ROBO2: variants seen among roughly 807,000 people sequenced by gnomAD.
The protein encoded by ROBO2 is roundabout guidance receptor 2, also known as roundabout homolog 2.
Under a neutral mutation model 160.8 loss-of-function variants are expected in ROBO2, and 53 were observed. The observed-to-expected ratio is 0.33, with a 90% CI of 0.26 to 0.41. The LOEUF is 0.41. Among genes scored for constraint, ROBO2 ranks in the 10% least tolerant of loss-of-function variants. ROBO2 has a pLI of 1.00. For missense variants in ROBO2, 1,577 were observed against 1,722.4 expected, an observed-to-expected ratio of 0.92 and a Z score of 1.49; for synonymous variants, 664 against 611.7, an observed-to-expected ratio of 1.09 and a Z score of -1.26.
At chr3:77,475,068 T>TGAGAGA (rs71104689) in intron 2 of ROBO2, among the ~76,000 whole-genome samples, 51,833 of 150,396 alleles carry the variant, frequency 0.34, 9,003 homozygotes, top group East Asian at 0.43. Context: ...GTTTTTCAAC[T>TGAGAGA]GAGAGAGAGA....
chr3:76,043,459 T>C (rs1346430290), intron 2 of ROBO2, among the ~76,000 whole-genome samples: 3 of 150,914 alleles, frequency 2.0e-5, no homozygotes, highest in Admixed American at 2.0e-4. Context: ...AGTAACAAGA[T>C]TACTGAATTT....
chr3:77,288,731 G>C (rs1049038342), intron 2 of ROBO2, among the ~76,000 whole-genome samples: 2 of 152,026 alleles, frequency 1.3e-5, no homozygotes, highest in African/African-American at 2.4e-5. Context: ...TACAATTAGA[G>C]GATTGCATTC....
At chr3:76,406,139 A>G (rs58796005) in intron 2 of ROBO2, among the ~76,000 whole-genome samples, 11,016 of 151,780 alleles carry the variant, frequency 0.073, 917 homozygotes, top group East Asian at 0.41. Flanking sequence ...ATTTTACATC[A>G]AAACACTTAG....
chr3:77,237,832 G>A (rs2088307791), intron 2 of ROBO2, among the ~76,000 whole-genome samples: 1 of 152,074 alleles, frequency 6.6e-6, no homozygotes, highest in Admixed American at 6.6e-5. Flanking sequence ...TTTCCAAGTG[G>A]CTGTACCATT....
chr3:77,632,714 T>A (rs1451617), intron 23 of ROBO2: 987,297 of 1,408,670 alleles, frequency 0.7, 347,381 homozygotes, highest in East Asian at 0.83. Flanking sequence ...TTGGACACTG[T>A]CCTCTTTTCT....
chr3:76,649,711 G>A (rs1237480385), intron 2 of ROBO2, among the ~76,000 whole-genome samples: 3 of 152,154 alleles, frequency 2.0e-5, no homozygotes, highest in Non-Finnish European at 2.9e-5. Context: ...TTGAATCAAT[G>A]AACTATGCTT....
In ROBO2 at chr3:77,361,311, T is replaced by C. The variant is rs535155828; in HGVS notation, c.389-116103T>C. 9.8e-5 allele frequency among the ~76,000 whole-genome samples: 15 copies of C among 152,326 alleles called. No individual in the cohort carries two copies. The South Asian group carries it at 3.1e-3, about 32-fold the overall frequency. On this transcript the variant is annotated intron_variant, in intron 2 of 25. Coordinates refer to ENST00000461745, the Ensembl canonical transcript of ROBO2. ...AAGTACCTATACAAAAAAGTATTTG[T>C]TATTCATCTGAAATCCAAATTTCAC...
At chr3:76,477,069 A>T (rs760738150) in intron 2 of ROBO2, among the ~76,000 whole-genome samples, 1 of 152,140 alleles carries the variant, frequency 6.6e-6, no homozygotes, top group Admixed American at 6.6e-5. Flanking sequence ...GTAAAATGCA[A>T]ATGATCCTGT....
chr3:77,180,124 CACTT>C (rs2080573544), intron 2 of ROBO2, among the ~76,000 whole-genome samples: 1 of 151,960 alleles, frequency 6.6e-6, no homozygotes, highest in Admixed American at 6.6e-5. Context: ...TGAGATCTAA[CACTT>C]ACATTTAATC....
At position 76,220,007 on chromosome 3, in the gene ROBO2, G is replaced by A. The variant is rs373267862; in HGVS notation, c.109+282405G>A. ...GAATACTATGCAGCCATAAAAAATG[G>A]TGAGTTCATGTCCTTTGTAGGGACA... On this transcript the variant is annotated intron_variant, in intron 2 of 26. Transcript: ENST00000487694. 1.1e-3 allele frequency among the ~76,000 whole-genome samples: 174 copies of A among 151,924 alleles called. 1 individual carries two copies. The highest frequency in any genetic ancestry group is 2.0e-3 in the Non-Finnish European group (133 of 67,964).
chr3:77,118,260 T>C (rs2150239469), intron 2 of ROBO2, among the ~76,000 whole-genome samples: 1 of 152,246 alleles, frequency 6.6e-6, no homozygotes, highest in East Asian at 1.9e-4. Flanking sequence ...TTGGGATGAA[T>C]TCTAGTCACA....
chr3:76,727,037 G>A (rs138844514), intron 2 of ROBO2, among the ~76,000 whole-genome samples: 1 of 152,214 alleles, frequency 6.6e-6, no homozygotes, highest in African/African-American at 2.4e-5. Flanking sequence ...CATTTCTTTG[G>A]TCTGTGCTAA....
chr3:77,371,815 C>T (rs752264485), intron 2 of ROBO2, among the ~76,000 whole-genome samples: 1 of 152,146 alleles, frequency 6.6e-6, no homozygotes. Flanking sequence ...CATGTGTTAC[C>T]GTTAAACACT....
At chr3:77,435,006 A>C (rs1373118080) in intron 2 of ROBO2, among the ~76,000 whole-genome samples, 3 of 152,080 alleles carry the variant, frequency 2.0e-5, no homozygotes, top group African/African-American at 7.2e-5. Context: ...CCTGTTAATG[A>C]ATATATTGAT....
At chr3:76,919,933 A>C (rs2076557595) in intron 2 of ROBO2, among the ~76,000 whole-genome samples, 1 of 152,214 alleles carries the variant, frequency 6.6e-6, no homozygotes. Flanking sequence ...AAGCAGAATA[A>C]AAATCTTCCC....
chr3:77,180,416 C>CTCTCTCTCTCTCTCTCTCTATATA (rs1433740534), intron 2 of ROBO2, among the ~76,000 whole-genome samples: 54 of 90,708 alleles, frequency 6.0e-4, no homozygotes, highest in Non-Finnish European at 7.3e-4. Flanking sequence ...CTCTCTCTCT[C>CTCTCTCTCTCTCTCTCTCTATATA]TATATATATA....
At chr3:77,508,102 AG>A (rs1345390021) in intron 5 of ROBO2, among the ~76,000 whole-genome samples, 1 of 151,816 alleles carries the variant, frequency 6.6e-6, no homozygotes, top group Non-Finnish European at 1.5e-5. Context: ...GAATGTAGAA[AG>A]AAGAAGTACA....
intron 2 of ROBO2, among the ~76,000 whole-genome samples, chr3:77,330,594 G>A (rs1179455338): frequency 6.6e-6 from 1 of 152,208 alleles, no homozygotes; most frequent in Non-Finnish European, 1.5e-5. Flanking sequence ...CTGAGAGGGT[G>A]AAGTAAAGAA....
intron 2 of ROBO2, among the ~76,000 whole-genome samples, chr3:76,923,269 G>A (rs1400479425): frequency 3.3e-5 from 5 of 152,188 alleles, no homozygotes; most frequent in Admixed American, 2.6e-4. Flanking sequence ...TCTGAACACC[G>A]TTATCATCCT....
Sources: allele counts gnomAD v4.1 joint callset (sites outside exome capture counted in the v4.1 genomes callset), GRCh38; gene constraint gnomAD v4.1.1; transcripts MANE v1.5; gene names NCBI Gene and HGNC (gene_info 2026-07-23, HGNC 2026-07-21).